The following CUBN variants were observed in gnomAD, a reference collection of about 807,000 sequenced individuals.
CUBN encodes cubilin, also known as 460 kDa receptor.
In CUBN, 282 loss-of-function variants were observed where a neutral mutation model predicts 405.3. The ratio of observed to expected loss-of-function variants is 0.70; its 90% CI spans 0.63 to 0.77. The LOEUF is 0.77. CUBN is among the 30% of genes least tolerant of loss of function. The probability of loss-of-function intolerance (pLI) is 0.00; values close to 1 mark genes in which losing one functional copy is unlikely to be tolerated. For missense variants in CUBN, 4,514 were observed against 4,475.2 expected (o/e 1.01, Z -0.25); for synonymous variants, 1,684 against 1,617.0 (o/e 1.04, Z -0.99).
At chr10:16,877,317 T>C (rs565782782) in intron 56 of CUBN, among the ~76,000 whole-genome samples, 1 of 152,176 alleles carries the variant, frequency 6.6e-6, no homozygotes, top group Non-Finnish European at 1.5e-5. Context: ...CAGTAGACAC[T>C]TTCCACCTTG....
At chr10:17,047,636 T>C (rs940486345) in intron 22 of CUBN, 33 bp from the exon 23 acceptor site, 7 of 1,569,596 alleles carry the variant, frequency 4.5e-6, no homozygotes, top group African/African-American at 2.7e-5. Context: ...AGAGAGAAAA[T>C]AGAAAATATT....
chr10:16,978,709 T>C (rs1220865455), intron 31 of CUBN, among the ~76,000 whole-genome samples: 1 of 152,210 alleles, frequency 6.6e-6, no homozygotes, highest in Non-Finnish European at 1.5e-5. Context: ...ATCTGGTTTG[T>C]ATTTGAATGA....
At chr10:17,101,548 T>C (rs1836493445) in intron 13 of CUBN, among the ~76,000 whole-genome samples, 1 of 152,204 alleles carries the variant, frequency 6.6e-6, no homozygotes, top group South Asian at 2.1e-4. Flanking sequence ...TGTAATAGTT[T>C]GCTGGAAAAA....
At chr10:16,982,152 T>A (rs1833292995) in intron 31 of CUBN, among the ~76,000 whole-genome samples, 1 of 152,214 alleles carries the variant, frequency 6.6e-6, no homozygotes, top group East Asian at 1.9e-4. Flanking sequence ...CTATTGCTTC[T>A]TCCTTTTTTC....
Position 16,915,039 on chromosome 10 carries a change from A to G in CUBN, c.7344T>C (p.Ser2448=). ...ATGAATCAATGAACTCACCTTCCAT[A>G]CTGGATTCAAATCGCAGTCTGAATC... ...ASGFRLRFES[S]MEECGGDLQG... The change falls in exon 47 of 67, where the codon AGT becomes AGC. Residue 2448 remains serine, a synonymous_variant. Coordinates refer to ENST00000377833, the MANE Select transcript of CUBN (RefSeq NM_001081.4). 1 of 1,613,648 alleles carries G rather than the reference A, an allele frequency of 6.2e-7. No individual in the cohort carries two copies. The highest frequency in any genetic ancestry group is 8.5e-7 in the Non-Finnish European group (1 of 1,179,760).
chr10:17,127,485 G>C (rs57874820), intron 3 of CUBN, among the ~76,000 whole-genome samples: 28 of 138,344 alleles, frequency 2.0e-4, no homozygotes, highest in Non-Finnish European at 3.2e-4. Context: ...ATGTGGCCCA[G>C]GCTGGTCTCA....
At chr10:17,079,845 T>C (rs1455032458) in intron 17 of CUBN, among the ~76,000 whole-genome samples, 1 of 152,092 alleles carries the variant, frequency 6.6e-6, no homozygotes, top group African/African-American at 2.4e-5. Flanking sequence ...ATCATCTCAA[T>C]GCCTAAGAAG....
chr10:16,874,328 T>C (rs1333609963), intron 58 of CUBN, 46 bp downstream of exon 58: 1 of 1,606,530 alleles, frequency 6.2e-7, no homozygotes, highest in Admixed American at 1.7e-5. Context: ...CTTCTATAAA[T>C]AATGCTGAAA....
chr10:17,126,724 T>C (rs1302093068), intron 4 of CUBN, 37 bp downstream of exon 4: 3 of 1,603,566 alleles, frequency 1.9e-6, no homozygotes, highest in Non-Finnish European at 2.6e-6. Flanking sequence ...GTATGTTTTC[T>C]GTGAAAGATT....
intron 22 of CUBN, among the ~76,000 whole-genome samples, chr10:17,064,583 G>A (rs1272804715): frequency 6.6e-6 from 1 of 152,088 alleles, no homozygotes; most frequent in Non-Finnish European, 1.5e-5. Flanking sequence ...GGTCTATGCT[G>A]GATGTTATTT....
At chr10:16,945,235 A>C (rs1842743819) in intron 36 of CUBN, among the ~76,000 whole-genome samples, 1 of 152,152 alleles carries the variant, frequency 6.6e-6, no homozygotes, top group African/African-American at 2.4e-5. Flanking sequence ...GGCAATTCTG[A>C]TAGGCCTACT....
chr10:16,930,403 T>C (rs1477976133), intron 40 of CUBN, among the ~76,000 whole-genome samples: 3 of 152,238 alleles, frequency 2.0e-5, no homozygotes, highest in Non-Finnish European at 4.4e-5. Context: ...CTTTGCTGTA[T>C]GCAAGGGCAT....
intron 4 of CUBN, among the ~76,000 whole-genome samples, chr10:17,126,514 G>A (rs1156441517): frequency 2.0e-5 from 3 of 152,172 alleles, no homozygotes; most frequent in Non-Finnish European, 4.4e-5. Context: ...TGGGCTGTGG[G>A]CTGCAAACTC....
At chr10:16,831,520 T>C (rs909503694) in intron 64 of CUBN, 103 bp from the exon 65 acceptor site, 8 of 1,071,982 alleles carry the variant, frequency 7.5e-6, no homozygotes, top group African/African-American at 1.6e-5. Flanking sequence ...GGAAAAGCTT[T>C]GTCTTTTTAT....
At position 16,975,131 on chromosome 10, in the gene CUBN, T is replaced by C. The variant is rs1319476763; in HGVS notation, c.4695+7353A>G. On this transcript the variant is annotated intron_variant, in intron 31 of 66. Transcript: ENST00000377833. ...TTGTTCAAGAGTCAACTGTACTTCA[T>C]ACAGCATTATCTGATTCTGACAACT... Among the ~76,000 whole-genome samples the C allele has an allele frequency of 5.3e-5, 8 of 152,330 alleles. No homozygotes were observed. In the South Asian group the frequency reaches 1.7e-3, roughly 32 times the overall value.
chr10:17,023,643 T>C (rs1176439316), intron 27 of CUBN: 1 of 455,902 alleles, frequency 2.2e-6, no homozygotes, highest in South Asian at 1.5e-5. Context: ...TCATTGCAAC[T>C]ACTGACAAGC....
intron 58 of CUBN, among the ~76,000 whole-genome samples, chr10:16,871,483 G>C (rs898964664): frequency 6.6e-6 from 1 of 151,008 alleles, no homozygotes; most frequent in Admixed American, 6.6e-5. Flanking sequence ...AAAAAAAATT[G>C]TTGGTTTTTT....
At chr10:17,019,316 A>T (rs1236571085) in intron 28 of CUBN, among the ~76,000 whole-genome samples, 1 of 152,138 alleles carries the variant, frequency 6.6e-6, no homozygotes, top group Non-Finnish European at 1.5e-5. Flanking sequence ...TGACAAGTAC[A>T]ACACATGCCC....
chr10:17,060,985 G>C (rs1327171233), intron 22 of CUBN, among the ~76,000 whole-genome samples: 1 of 152,264 alleles, frequency 6.6e-6, no homozygotes, highest in South Asian at 2.1e-4. Flanking sequence ...GGAGGCAGAG[G>C]TTGCAGTGAG....
Sources: allele counts gnomAD v4.1 joint callset (sites outside exome capture counted in the v4.1 genomes callset), GRCh38; gene constraint gnomAD v4.1.1; transcripts MANE v1.5; gene names NCBI Gene and HGNC (gene_info 2026-07-23, HGNC 2026-07-21).